GPR107: variants seen among roughly 807,000 people sequenced by gnomAD.
GPR107 encodes protein GPR107.
GPR107 carries 31 observed loss-of-function variants against 75.5 expected under a neutral mutation model. That is an observed-to-expected ratio of 0.41 (90% CI 0.31 to 0.55). GPR107 has a LOEUF of 0.55. Ranked by LOEUF, GPR107 falls within the 20% of genes least tolerant of loss-of-function variation. GPR107 has a pLI of 0.26. For synonymous variants in GPR107, 267 were observed against 251.3 expected, an observed-to-expected ratio of 1.06 and a Z score of -0.59; for missense variants, 572 against 665.7, an observed-to-expected ratio of 0.86 and a Z score of 1.55.
chr9:130,124,814 G>C, intron 14 of GPR107, 101 bp from the exon 15 acceptor site: 1 of 699,192 alleles, frequency 1.4e-6, no homozygotes, highest in South Asian at 1.7e-5. Flanking sequence ...GTCCTCATCT[G>C]CATTAGAGGT....
intron 1 of GPR107, among the ~76,000 whole-genome samples, chr9:130,071,217 T>C (rs1021885698): frequency 6.7e-6 from 1 of 149,106 alleles, no homozygotes; most frequent in Non-Finnish European, 1.5e-5. Flanking sequence ...TTGCTAGAGA[T>C]GGGGTTTCTC....
chr9:130,083,580 A>G lies in GPR107; in HGVS notation c.542A>G (p.Lys181Arg), dbSNP rs746308150. Residue 181 changes from lysine (K) to arginine (R), a missense_variant, in exon 6 of 18, where the codon AAA becomes AGA. By Grantham distance (26) the Lys-to-Arg change is conservative. Transcript: ENST00000347136. ...TQKTQDGGKS[K>R]RSTVDSKAMG... ...TTGCTTCTAGATGGTGGAAAGTCTA[A>G]AAGAAGTACAGTGGATTCAAAGGTA... The G allele has an allele frequency of 3.9e-6, 6 of 1,529,748 alleles. No homozygotes were observed. Among genetic ancestry groups the G allele is most frequent in the Admixed American group, 2.5e-5 (1 of 40,472 alleles). The allele number at this position is 1,529,748 out of a possible 1,614,324, so 94.8% of individuals were successfully genotyped here. A position where few individuals can be genotyped will look rare whatever the true frequency, so the allele number is the denominator to read the frequency against.
Position 130,054,064 on chromosome 9 carries a change from G to T in GPR107, c.132G>T (p.Leu44=). 6.4e-7 allele frequency: 1 copy of T among 1,551,732 alleles called. No homozygotes were observed. The highest frequency in any genetic ancestry group is 1.4e-5 in the African/African-American group (1 of 73,128). The change falls in exon 1 of 18, where the codon CTG becomes CTT. Residue 44 remains leucine (L), a synonymous_variant. Coordinates refer to ENST00000347136, the MANE Select transcript of GPR107 (RefSeq NM_020960.5). The part of the protein sequence containing the change: ...AEPGLGRVHH[L]ALKDDVRHKV... ...CTGGCCTGGGCCGCGTCCATCACCT[G>T]GCACTCAAGGTAAAGCTTGGCAAGG...
rs567407811 is a variant in GPR107 at position 130,103,703 on chromosome 9, G to A, written c.1132-717G>A. 6.6e-6 allele frequency among the ~76,000 whole-genome samples: 1 copy of A among 152,294 alleles called. No homozygotes were observed. Among genetic ancestry groups the A allele is most frequent in the East Asian group, 1.9e-4 (1 of 5,186 alleles). Reference sequence around the variant, plus strand: ...GAGCACCATGGCCTGAAAAGTATGGGCATTGTGGCTAAATAGGGTGTTAAG... The same window carrying A: ...GAGCACCATGGCCTGAAAAGTATGGACATTGTGGCTAAATAGGGTGTTAAG... On this transcript the variant is annotated intron_variant, in intron 12 of 17. Transcript: ENST00000347136. This position sits in a 1 kb window ranked among gnomAD's most constrained non-coding sequence, Gnocchi z 4.3.
intron 14 of GPR107, among the ~76,000 whole-genome samples, chr9:130,121,182 CAAAA>C (rs139268699): frequency 0.13 from 7,219 of 56,838 alleles, 178 homozygotes; most frequent in South Asian, 0.17. Flanking sequence ...GACCCTATCT[CAAAA>C]CAAAACAAAA....
intron 2 of GPR107, 95 bp downstream of exon 2, chr9:130,075,844 G>A (rs780883508): frequency 6.5e-5 from 39 of 596,196 alleles, no homozygotes; most frequent in Middle Eastern, 4.7e-4. Flanking sequence ...GTGCGGTGGC[G>A]CAATCTCAGC....
At chr9:130,106,615 A>AT (rs762050314) in intron 13 of GPR107, among the ~76,000 whole-genome samples, 3 of 86,654 alleles carry the variant, frequency 3.5e-5, no homozygotes, top group African/African-American at 1.5e-4. Flanking sequence ...AAATAAATAA[A>AT]TAAATAATAA....
At chr9:130,121,070 G>A (rs1169114814) in intron 14 of GPR107, among the ~76,000 whole-genome samples, 2 of 152,034 alleles carry the variant, frequency 1.3e-5, no homozygotes, top group African/African-American at 2.4e-5. Flanking sequence ...GATGGTGTGC[G>A]CCTGTAGTCC....
At chr9:130,122,050 C>A (rs1186038263) in intron 14 of GPR107, among the ~76,000 whole-genome samples, 2 of 151,976 alleles carry the variant, frequency 1.3e-5, no homozygotes, top group Non-Finnish European at 2.9e-5. Flanking sequence ...GCCACCATGC[C>A]CGGCTAATTT....
Position 130,090,932 on chromosome 9 carries a change from TA to T in GPR107, c.681del (p.Lys227AsnfsTer71). The T allele has an allele frequency of 6.4e-7, 1 of 1,564,358 alleles. No individual in the cohort carries two copies. Among genetic ancestry groups the T allele is most frequent in the Non-Finnish European group, 8.8e-7 (1 of 1,135,342 alleles). ...QEGLYSLYFH[K>X]CLGKELPSDK... ...AAGGCCTTTACAGTCTTTATTTTCA[TA>T]AATGCCTTGGAAAAGAATTGCCAAG... On this transcript the variant is annotated frameshift_variant, in exon 8 of 18. Coordinates refer to ENST00000347136, the MANE Select transcript of GPR107 (RefSeq NM_020960.5). LOFTEE classifies it high-confidence loss of function.
chr9:130,129,651 G>A (rs1564687385), intron 17 of GPR107: 1 of 152,334 alleles, frequency 6.6e-6, no homozygotes, highest in African/African-American at 2.4e-5. Flanking sequence ...AAACAGTGGA[G>A]AGGAGTGCAG....
intron 7 of GPR107, 44 bp downstream of exon 7, chr9:130,086,520 C>A: frequency 1.7e-6 from 2 of 1,146,378 alleles, no homozygotes; most frequent in Non-Finnish European, 1.3e-6. Context: ...TTTCTCTCTA[C>A]CATGTAAAAG....
chr9:130,133,943 A>G (rs1299013228), intron 17 of GPR107, among the ~76,000 whole-genome samples: 1 of 152,136 alleles, frequency 6.6e-6, no homozygotes, highest in Non-Finnish European at 1.5e-5. Context: ...GTCCAGCTGC[A>G]TGCACTCTAG....
rs1382393095 is a variant in GPR107, at chr9:130,137,970, T to G, written c.*2849T>G. On this transcript the variant is annotated 3_prime_UTR_variant, in exon 18 of 18. Transcript: ENST00000347136. ...GAAATCTGTTGTGGACTGAAAGCGC[T>G]GCTGGCTGTGAAATTTAATAAAGTG... 1 of 152,262 alleles carries G rather than the reference T, an allele frequency of 6.6e-6. No homozygotes were observed. Among genetic ancestry groups the G allele is most frequent in the Non-Finnish European group, 1.5e-5 (1 of 68,048 alleles). The allele number at this position is 152,262 out of a possible 1,614,324, so 9.4% of individuals were successfully genotyped here. A position where few individuals can be genotyped will look rare whatever the true frequency, so the allele number is the denominator to read the frequency against.
chr9:130,134,782 C>G lies in GPR107; in HGVS notation c.1563-243C>G, dbSNP rs782030707. 3.9e-4 allele frequency among the ~76,000 whole-genome samples: 60 copies of G among 152,234 alleles called. 1 individual carries two copies. Among genetic ancestry groups the G allele is most frequent in the Admixed American group, 1.4e-3 (21 of 15,284 alleles). ...AGCTGGTGTTTATTGATTAGGCACT[C>G]TGGAGAATCTCATTTTTCCTCATGA... On this transcript the variant is annotated intron_variant, in intron 17 of 17. Transcript: ENST00000347136.
At chr9:130,071,509 T>C (rs1183999582) in intron 1 of GPR107, among the ~76,000 whole-genome samples, 2 of 152,112 alleles carry the variant, frequency 1.3e-5, no homozygotes, top group African/African-American at 4.8e-5. Context: ...ATTTCTCCTC[T>C]GAACTGGTGT....
intron 9 of GPR107, among the ~76,000 whole-genome samples, chr9:130,098,303 A>G (rs1489119074): frequency 1.3e-5 from 2 of 152,146 alleles, no homozygotes; most frequent in African/African-American, 2.4e-5. Flanking sequence ...GGGCATGGGA[A>G]TGGGTGCTTT....
intron 7 of GPR107, among the ~76,000 whole-genome samples, chr9:130,087,922 C>G (rs916385983): frequency 2.6e-5 from 4 of 151,600 alleles, no homozygotes; most frequent in African/African-American, 9.7e-5. Context: ...CTCAATATTT[C>G]TGTGTTTCCA....
chr9:130,084,903 G>T (rs960722097), intron 6 of GPR107, among the ~76,000 whole-genome samples: 1 of 152,194 alleles, frequency 6.6e-6, no homozygotes, highest in Admixed American at 6.5e-5. Context: ...GCTGTCGCCG[G>T]GGCTGAGTCT....
Sources: gnomAD v4.1 joint callset for allele counts (sites outside exome capture counted in the v4.1 genomes callset) on GRCh38, gnomAD v4.1.1 for gene constraint, Gnocchi (gnomAD v3.1) non-coding constraint, MANE v1.5 for transcripts, NCBI Gene and HGNC (gene_info 2026-07-23, HGNC 2026-07-21) for gene names.